Variants in RAPGEF2 observed in about 807,000 individuals in gnomAD.
The protein encoded by RAPGEF2 is PDZ domain containing guanine nucleotide exchange factor (GEF) 1.
RAPGEF2 carries 54 observed loss-of-function variants against 186.7 expected under a neutral mutation model. That is an observed-to-expected ratio of 0.29 (90% CI 0.23 to 0.36). The LOEUF (loss-of-function observed/expected upper bound fraction) is 0.36, where lower values mean the gene tolerates loss of function less well. RAPGEF2 is among the 10% of genes least tolerant of loss of function. The pLI is 1.00. For missense variants in RAPGEF2, 1,532 were observed against 2,045.0 expected (o/e 0.75, Z 4.84); for synonymous variants, 712 against 705.9 (o/e 1.01, Z -0.14).
At chr4:159,171,085 G>A (rs560930939) in intron 1 of RAPGEF2, among the ~76,000 whole-genome samples, 1 of 152,068 alleles carries the variant, frequency 6.6e-6, no homozygotes, top group Non-Finnish European at 1.5e-5. Flanking sequence ...TTAGAGTGTT[G>A]CAACATTGTT....
chr4:159,166,188 C>T (rs1745293779), intron 1 of RAPGEF2, among the ~76,000 whole-genome samples: 1 of 152,074 alleles, frequency 6.6e-6, no homozygotes, highest in African/African-American at 2.4e-5. Context: ...GTGGCGGGCA[C>T]CTGTAGTCCC....
chr4:159,272,856 T>C (rs1758290195), intron 7 of RAPGEF2, among the ~76,000 whole-genome samples: 1 of 152,228 alleles, frequency 6.6e-6, no homozygotes, highest in Non-Finnish European at 1.5e-5. Flanking sequence ...ATGACTATTT[T>C]GAAGATGCAG....
intron 1 of RAPGEF2, among the ~76,000 whole-genome samples, chr4:159,144,877 C>CTTTTTT (rs1305914652): frequency 1.3e-5 from 1 of 77,628 alleles, no homozygotes; most frequent in African/African-American, 4.7e-5. Flanking sequence ...TTCTTTCTTC[C>CTTTTTT]TGTTTTTTTT....
Position 159,343,197 on chromosome 4 carries a change from A to AT in RAPGEF2, c.3130+8dup, listed in dbSNP as rs1464540603. ...CTCACCTTCCTTCACGAAGGTAAAC[A>AT]TAAGGCAGAGGGTTTCCATCTTTGC... is the stretch of plus-strand genomic sequence containing the variant. On this transcript the variant is annotated splice_region_variant and intron_variant, in intron 21 of 29. Transcript: ENST00000691494. The AT allele has an allele frequency of 6.2e-7, 1 of 1,613,964 alleles. No individual in the cohort carries two copies. The highest frequency in any genetic ancestry group is 8.5e-7 in the Non-Finnish European group (1 of 1,179,916).
intron 7 of RAPGEF2, among the ~76,000 whole-genome samples, chr4:159,265,355 C>T (rs1007017155): frequency 3.3e-5 from 5 of 152,132 alleles, no homozygotes; most frequent in Admixed American, 3.3e-4. Context: ...GGGATAAACA[C>T]TAACATGAGA....
chr4:159,256,303 A>C (rs1756156836), intron 7 of RAPGEF2, among the ~76,000 whole-genome samples: 1 of 152,088 alleles, frequency 6.6e-6, no homozygotes, highest in African/African-American at 2.4e-5. Flanking sequence ...TGCAGTGTTT[A>C]GTTTTCTGTT....
At chr4:159,220,405 G>A (rs1179726551) in intron 4 of RAPGEF2, among the ~76,000 whole-genome samples, 1 of 152,244 alleles carries the variant, frequency 6.6e-6, no homozygotes, top group South Asian at 2.1e-4. Flanking sequence ...TTTTGAGAGA[G>A]CAAAAGCACT....
Position 159,352,670 on chromosome 4 carries a change from G to C in RAPGEF2, c.3866-15G>C, listed in dbSNP as rs765749476. ...CCTAGAGAGTCTAATTAATACGGTT[G>C]TATTTCTCATGCAGGCTATACTTTG... On this transcript the variant is annotated splice_polypyrimidine_tract_variant and intron_variant, in intron 26 of 29. Transcript: ENST00000691494. The C allele has an allele frequency of 4.4e-6, 7 of 1,586,730 alleles. No individual in the cohort carries two copies. Among genetic ancestry groups the C allele is most frequent in the Non-Finnish European group, 1.7e-6 (2 of 1,155,344 alleles).
intron 11 of RAPGEF2, chr4:159,327,297 T>C (rs1180905340): frequency 6.6e-6 from 1 of 152,212 alleles, no homozygotes; most frequent in African/African-American, 2.4e-5. Flanking sequence ...TGAGATCATA[T>C]AGTACTTTCA....
chr4:159,159,142 G>GT (rs1744431357), intron 1 of RAPGEF2, among the ~76,000 whole-genome samples: 2 of 152,176 alleles, frequency 1.3e-5, no homozygotes, highest in Admixed American at 1.3e-4. Flanking sequence ...TCCCTCAGTT[G>GT]TTTTCCTCTG....
chr4:159,134,798 G>A (rs1344410916), intron 1 of RAPGEF2, among the ~76,000 whole-genome samples: 1 of 152,108 alleles, frequency 6.6e-6, no homozygotes, highest in Non-Finnish European at 1.5e-5. Flanking sequence ...GATATATGCA[G>A]CCATCACCAG....
In RAPGEF2 at chr4:159,343,012, A is replaced by G; in HGVS notation, c.2952A>G (p.Arg984=). Reference sequence around the variant, plus strand: ...ACCTGGCACCAGTGGCAAGACTGCGAACGACCTGGGAGAAACTTCCCAATA... The same window carrying G: ...ACCTGGCACCAGTGGCAAGACTGCGGACGACCTGGGAGAAACTTCCCAATA... ...GLNLAPVARL[R]TTWEKLPNKY... is the part of the protein sequence containing the mutation. Residue 984 remains arginine, a synonymous_variant, in exon 21 of 30, where the codon CGA becomes CGG. Coordinates refer to ENST00000691494, the MANE Select transcript of RAPGEF2 (RefSeq NM_001394067.2). 1 of 1,614,060 alleles carries G rather than the reference A, an allele frequency of 6.2e-7. No individual in the cohort carries two copies.
rs748178766 is a variant in RAPGEF2, at chr4:159,304,332, C to G, written c.544-10C>G. ...GATTGTAATCCTAGTTTTTCCTGCT[C>G]CTTCCATAGCTTCCTGCAGATTTCA... On this transcript the variant is annotated splice_polypyrimidine_tract_variant and intron_variant, in intron 7 of 29. Coordinates refer to ENST00000691494, the MANE Select transcript of RAPGEF2 (RefSeq NM_001394067.2). 12 of 1,591,036 alleles carry G rather than the reference C, an allele frequency of 7.5e-6. No individual in the cohort carries two copies. Among genetic ancestry groups the G allele is most frequent in the Non-Finnish European group, 7.7e-6 (9 of 1,165,488 alleles).
intron 1 of RAPGEF2, among the ~76,000 whole-genome samples, chr4:159,107,725 T>A (rs1200532759): frequency 6.6e-6 from 1 of 152,186 alleles, no homozygotes; most frequent in African/African-American, 2.4e-5. Context: ...TCGTGAGTCA[T>A]AATGAGAGGG....
At chr4:159,274,961 A>C (rs1758640940) in intron 7 of RAPGEF2, among the ~76,000 whole-genome samples, 1 of 151,966 alleles carries the variant, frequency 6.6e-6, no homozygotes, top group Non-Finnish European at 1.5e-5. Flanking sequence ...CCATGTCATA[A>C]AGAATTAATC....
intron 4 of RAPGEF2, among the ~76,000 whole-genome samples, chr4:159,213,538 T>G (rs1435980371): frequency 1.3e-5 from 2 of 152,240 alleles, no homozygotes; most frequent in Non-Finnish European, 2.9e-5. Context: ...GAAATTGTTT[T>G]GACACATGAT....
At chr4:159,159,777 G>A (rs1744508309) in intron 1 of RAPGEF2, among the ~76,000 whole-genome samples, 1 of 152,158 alleles carries the variant, frequency 6.6e-6, no homozygotes, top group Non-Finnish European at 1.5e-5. Context: ...AACTGACAGT[G>A]TGAACAATAG....
intron 8 of RAPGEF2, among the ~76,000 whole-genome samples, chr4:159,305,467 A>T (rs538474686): frequency 6.6e-6 from 1 of 152,072 alleles, no homozygotes; most frequent in African/African-American, 2.4e-5. Flanking sequence ...TCTGTTGGCT[A>T]TTTGTATGTT....
rs372377666 is a variant in RAPGEF2 at position 159,215,144 on chromosome 4, T to C, written c.281+4561T>C. On this transcript the variant is annotated intron_variant, in intron 4 of 29. Transcript: ENST00000691494. ...TCCCAAAATGCTGGGATTACAGGTG[T>C]GAGCCACTGCCAGTTTTTTGTTGTT... Among the ~76,000 whole-genome samples, 57 of 151,922 alleles carry C rather than the reference T, an allele frequency of 3.8e-4. No individual in the cohort carries two copies. The East Asian group carries it at 7.7e-3, about 21-fold the overall frequency.
Sources: gnomAD v4.1 joint callset for allele counts (sites outside exome capture counted in the v4.1 genomes callset) on GRCh38, gnomAD v4.1.1 for gene constraint, MANE v1.5 for transcripts, NCBI Gene and HGNC (gene_info 2026-07-23, HGNC 2026-07-21) for gene names.